The following CPLANE1 variants were observed in gnomAD, a reference collection of about 807,000 sequenced individuals.
The protein encoded by CPLANE1 is ciliogenesis and planar polarity effector 1.
A neutral mutation model predicts 362.5 loss-of-function variants in CPLANE1; 263 were observed. The ratio of observed to expected loss-of-function variants is 0.73; its 90% CI spans 0.66 to 0.80. The LOEUF is 0.80. Among genes scored for constraint, CPLANE1 ranks in the 30% least tolerant of loss-of-function variants. The probability of loss-of-function intolerance (pLI) is 0.00; values close to 1 mark genes in which losing one functional copy is unlikely to be tolerated. For synonymous variants in CPLANE1, 1,212 were observed against 1,302.6 expected, an observed-to-expected ratio of 0.93 and a Z score of 1.50; for missense variants, 3,461 against 3,793.4, an observed-to-expected ratio of 0.91 and a Z score of 2.30.
At chr5:37,104,141 C>T (rs1208418455), downstream of CPLANE1, among the ~76,000 whole-genome samples, 3 of 151,966 alleles carry the variant, frequency 2.0e-5, no homozygotes, top group African/African-American at 7.3e-5. Flanking sequence ...TTCTTTTCTC[C>T]ACTTGGCCTA....
intron 50 of CPLANE1, among the ~76,000 whole-genome samples, chr5:37,116,380 G>A (rs959831101): frequency 2.7e-5 from 4 of 149,944 alleles, no homozygotes; most frequent in Admixed American, 6.7e-5. Flanking sequence ...CCGTTACTCC[G>A]AAGGCTGAGG....
intron 16 of CPLANE1, 60 bp downstream of exon 16, chr5:37,213,499 T>C (rs1793207231): frequency 8.3e-7 from 1 of 1,201,634 alleles, no homozygotes. Context: ...TAATATGTTT[T>C]AAATATTATA....
At chr5:37,186,227 A>G (rs1783945364) in intron 24 of CPLANE1, 59 bp downstream of exon 24, 1 of 909,856 alleles carries the variant, frequency 1.1e-6, no homozygotes, top group Non-Finnish European at 1.8e-6. Context: ...TATTTTCAAA[A>G]CAAAAAGGGA....
intron 4 of CPLANE1, 22 bp from the exon 5 acceptor site, chr5:37,244,629 T>A: frequency 7.1e-7 from 1 of 1,411,314 alleles, no homozygotes; most frequent in Non-Finnish European, 9.7e-7. Flanking sequence ...ACAAAAAAAG[T>A]AATTAAGCCT....
intron 23 of CPLANE1, among the ~76,000 whole-genome samples, chr5:37,186,759 G>A (rs1784095849): frequency 6.6e-6 from 1 of 151,964 alleles, no homozygotes; most frequent in Non-Finnish European, 1.5e-5. Context: ...AATACACTAC[G>A]ATTAACTGTA....
intron 44 of CPLANE1, chr5:37,139,862 T>G: frequency 2.0e-6 from 2 of 985,798 alleles, no homozygotes; most frequent in Non-Finnish European, 2.4e-6. Flanking sequence ...TATAAGATTA[T>G]TACTTTTTCT....
chr5:37,146,644 G>A lies in CPLANE1; in HGVS notation c.8461+1537C>T, dbSNP rs897558482. On this transcript the variant is annotated intron_variant, in intron 43 of 52. Coordinates refer to ENST00000651892, the MANE Select transcript of CPLANE1 (RefSeq NM_001384732.1). Reference sequence around the variant, plus strand: ...ACAAAATATTTATACATAAAATAATGTGCTGTCTGGGTTTCGTTTCAAAAT... The same window carrying A: ...ACAAAATATTTATACATAAAATAATATGCTGTCTGGGTTTCGTTTCAAAAT... 6.6e-5 allele frequency among the ~76,000 whole-genome samples: 10 copies of A among 152,046 alleles called. No individual in the cohort carries two copies. The South Asian group carries it at 1.5e-3, about 22-fold the overall frequency.
chr5:37,145,121 T>C (rs1771134847), intron 43 of CPLANE1, among the ~76,000 whole-genome samples: 4 of 152,016 alleles, frequency 2.6e-5, no homozygotes, highest in African/African-American at 7.2e-5. Context: ...CTGGCCAACA[T>C]GGTGAAACCC....
rs930338934 is a variant in CPLANE1, at chr5:37,171,751, T to A, written c.6172-1420A>T. ...TATTTCCTTTCTCTAGCTTACTCTC[T>A]CTCTCTCTCTCTCTCTCTCTCTCTC... is the stretch of plus-strand genomic sequence containing the variant. On this transcript the variant is annotated intron_variant, in intron 32 of 52. Coordinates refer to ENST00000651892, the MANE Select transcript of CPLANE1 (RefSeq NM_001384732.1). Among the ~76,000 whole-genome samples, 9 of 101,438 alleles carry A rather than the reference T, an allele frequency of 8.9e-5. No homozygotes were observed. In the East Asian group the frequency reaches 2.0e-3, roughly 22 times the overall value. 66.5% of individuals were successfully genotyped at this position (101,438 alleles called of 152,430 possible).
chr5:37,107,302 GA>G lies in CPLANE1; in HGVS notation c.*299del. The G allele has an allele frequency of 9.1e-7, 1 of 1,096,078 alleles. No individual in the cohort carries two copies. The highest frequency in any genetic ancestry group is 1.1e-6 in the Non-Finnish European group (1 of 902,760). The allele number at this position is 1,096,078 out of a possible 1,614,324, so 67.9% of individuals were successfully genotyped here. ...GGAGGCAAGATAGAGGGTTTTTATTGAAAGTAGGTTATGCAAACTTGGCTTG... is the reference window on the plus strand; with the variant it reads ...GGAGGCAAGATAGAGGGTTTTTATTGAAGTAGGTTATGCAAACTTGGCTTG... On this transcript the variant is annotated 3_prime_UTR_variant, in exon 53 of 53. Transcript: ENST00000651892.
chr5:37,217,880 T>G (rs866010588), intron 15 of CPLANE1, among the ~76,000 whole-genome samples: 25 of 151,892 alleles, frequency 1.6e-4, no homozygotes, highest in Middle Eastern at 3.4e-3. Flanking sequence ...CTCAGGAGGC[T>G]GAGGCAGGAG....
At chr5:37,078,289 A>G in the CPLANE1 span, among the ~76,000 whole-genome samples, 1 of 152,208 alleles carries the variant, frequency 6.6e-6, no homozygotes, top group Non-Finnish European at 1.5e-5. Context: ...AAGTGAGAAT[A>G]TGCACTGTTT....
At chr5:37,135,610 G>T (rs551060493) in intron 46 of CPLANE1, among the ~76,000 whole-genome samples, 8 of 152,112 alleles carry the variant, frequency 5.3e-5, no homozygotes, top group Non-Finnish European at 1.2e-4. Context: ...CGAGGTGGGC[G>T]GATCACAAGG....
chr5:37,230,831 AT>A (rs1183455513), intron 9 of CPLANE1, 35 bp downstream of exon 9: 1 of 1,334,872 alleles, frequency 7.5e-7, no homozygotes, highest in Non-Finnish European at 9.7e-7. Flanking sequence ...CAGAAAAAAA[AT>A]CTATAAACAA....
chr5:37,115,091 C>A, intron 50 of CPLANE1, 42 bp from the exon 51 acceptor site: 1 of 1,243,874 alleles, frequency 8.0e-7, no homozygotes, highest in East Asian at 2.3e-5. Context: ...CATAGACATC[C>A]ATGATTTTTA....
At chr5:37,110,603 T>G (rs541941339) in intron 51 of CPLANE1, among the ~76,000 whole-genome samples, 1 of 152,252 alleles carries the variant, frequency 6.6e-6, no homozygotes, top group Admixed American at 6.5e-5. Flanking sequence ...CTGCTTTCTG[T>G]GTTGTTCATG....
At chr5:37,203,218 CCT>C (rs1789714996) in intron 18 of CPLANE1, among the ~76,000 whole-genome samples, 2 of 152,248 alleles carry the variant, frequency 1.3e-5, no homozygotes, top group Non-Finnish European at 1.5e-5. Flanking sequence ...TCAGGCAACC[CCT>C]GATCTGTTTT....
At chr5:37,210,500 T>C in intron 16 of CPLANE1, 2 of 1,304,820 alleles carry the variant, frequency 1.5e-6, no homozygotes, top group Non-Finnish European at 2.2e-6. Flanking sequence ...AAGAAAAAGC[T>C]GTTCATTTGC....
intron 17 of CPLANE1, 67 bp downstream of exon 17, chr5:37,206,130 C>G (rs772063155): frequency 2.2e-5 from 23 of 1,029,770 alleles, no homozygotes; most frequent in African/African-American, 3.2e-5. Context: ...TAAATACCAG[C>G]AATAAGAGAA....
Sources: gnomAD v4.1 joint callset for allele counts (sites outside exome capture counted in the v4.1 genomes callset) on GRCh38, gnomAD v4.1.1 for gene constraint, MANE v1.5 for transcripts, NCBI Gene and HGNC (gene_info 2026-07-23, HGNC 2026-07-21) for gene names.